Variants in CCDC61 observed in about 807,000 individuals in gnomAD.
CCDC61 encodes the protein centrosomal protein CCDC61.
Under a neutral mutation model 63.0 loss-of-function variants are expected in CCDC61, and 55 were observed. The ratio of observed to expected loss-of-function variants is 0.87; its 90% CI spans 0.70 to 1.09. The LOEUF (loss-of-function observed/expected upper bound fraction) is 1.09, where lower values mean the gene tolerates loss of function less well. Among genes scored for constraint, CCDC61 ranks in the 50% least tolerant of loss-of-function variants. The pLI, the probability that CCDC61 is intolerant of heterozygous loss-of-function variation, is 0.00. For synonymous variants in CCDC61, 270 were observed against 317.0 expected, an observed-to-expected ratio of 0.85 and a Z score of 1.58; for missense variants, 651 against 731.4, an observed-to-expected ratio of 0.89 and a Z score of 1.27.
chr19:46,016,078 G>A lies in CCDC61; in HGVS notation c.870G>A (p.Pro290=). The A allele has an allele frequency of 8.1e-7, 1 of 1,234,502 alleles. No individual in the cohort carries two copies. The highest frequency in any genetic ancestry group is 1.0e-6 in the Non-Finnish European group (1 of 990,216). The allele number at this position is 1,234,502 out of a possible 1,614,324, so 76.5% of individuals were successfully genotyped here. A position where few individuals can be genotyped will look rare whatever the true frequency, so the allele number is the denominator to read the frequency against. Residue 290 remains proline, a synonymous_variant, in exon 8 of 14, where the codon CCG becomes CCA. Transcript: ENST00000595358. This position sits in a 1 kb window ranked among gnomAD's most constrained non-coding sequence, Gnocchi z 7.2. The part of the protein sequence containing the change: ...KRGRRTPPVQ[P]PPTREDRASS... The stretch of plus-strand genomic sequence containing the variant: ...GGAGGCGGACTCCGCCGGTGCAGCC[G>A]CCCCCGACGCGGGAGGACCGGGCCT...
chr19:46,000,191 G>T, intron 1 of CCDC61: 1 of 223,930 alleles, frequency 4.5e-6, no homozygotes, highest in Non-Finnish European at 7.2e-6. Context: ...AAGAGAGGTG[G>T]AAAATATGTG....
chr19:46,003,165 CTG>C lies in CCDC61; in HGVS notation c.148+2_148+3del. 1 of 1,605,526 alleles carries C rather than the reference CTG, an allele frequency of 6.2e-7. No homozygotes were observed. Among genetic ancestry groups the C allele is most frequent in the East Asian group, 2.2e-5 (1 of 44,694 alleles). ...AGTGGCGGGGCGAGTTCGATGCTGG[CTG>C]TGAGTGTGCCTGCCTGGGGTGGGCT... On this transcript the variant is annotated splice_donor_variant and coding_sequence_variant, in exon 2 of 14. Transcript: ENST00000595358. LOFTEE classifies it high-confidence loss of function.
At chr19:46,008,029 C>A in intron 4 of CCDC61, 111 bp from the exon 5 acceptor site, 1 of 1,168,842 alleles carries the variant, frequency 8.6e-7, no homozygotes, top group Non-Finnish European at 1.2e-6. Context: ...TAGGACAGTG[C>A]AGTTTTTGGA....
chr19:45,999,303 G>T (rs934346928), intron 1 of CCDC61, among the ~76,000 whole-genome samples: 11 of 151,840 alleles, frequency 7.2e-5, no homozygotes, highest in Non-Finnish European at 1.5e-5. Context: ...GGAAGGCTTT[G>T]GTCTGTATTC....
intron 1 of CCDC61, among the ~76,000 whole-genome samples, chr19:45,999,411 G>A (rs1261309844): frequency 6.6e-6 from 1 of 152,086 alleles, no homozygotes; most frequent in African/African-American, 2.4e-5. Flanking sequence ...TCCAGGCCAG[G>A]CCACGCGTGT....
chr19:46,016,886 G>C lies in CCDC61; in HGVS notation c.1231+53G>C. 1 of 1,503,190 alleles carries C rather than the reference G, an allele frequency of 6.7e-7. No homozygotes were observed. The highest frequency in any genetic ancestry group is 8.9e-7 in the Non-Finnish European group (1 of 1,120,080). 93.1% of individuals were successfully genotyped at this position (1,503,190 alleles called of 1,614,324 possible). On this transcript the variant is annotated intron_variant, in intron 10 of 13. Coordinates refer to ENST00000595358, the MANE Select transcript of CCDC61 (RefSeq NM_001267723.2). This position sits in a 1 kb window ranked among gnomAD's most constrained non-coding sequence, Gnocchi z 7.2. ...GGGCTAGGCGGGACTGGGCGGGGCTGGGCGGGCTGGGAGGCACTGGGCAGG... is the reference window on the plus strand; with the variant it reads ...GGGCTAGGCGGGACTGGGCGGGGCTCGGCGGGCTGGGAGGCACTGGGCAGG...
At chr19:46,005,926 A>G (rs1053388879) in intron 3 of CCDC61, among the ~76,000 whole-genome samples, 1 of 151,880 alleles carries the variant, frequency 6.6e-6, no homozygotes, top group Admixed American at 6.6e-5. Context: ...TGTACTTCCC[A>G]TTTTCTTGCT....
chr19:46,014,090 T>G (rs1968879192), intron 5 of CCDC61, among the ~76,000 whole-genome samples: 1 of 152,088 alleles, frequency 6.6e-6, no homozygotes, highest in Non-Finnish European at 1.5e-5. Flanking sequence ...GTTCCAAAAC[T>G]GAAAAAGAGG....
At chr19:46,013,185 AT>A (rs566101168) in intron 5 of CCDC61, among the ~76,000 whole-genome samples, 3 of 150,072 alleles carry the variant, frequency 2.0e-5, no homozygotes, top group East Asian at 2.0e-4. Flanking sequence ...GACCTGGCTA[AT>A]TTTTTTTTTG....
intron 1 of CCDC61, among the ~76,000 whole-genome samples, chr19:46,001,756 G>A (rs1288682921): frequency 6.6e-6 from 1 of 152,240 alleles, no homozygotes; most frequent in African/African-American, 2.4e-5. Flanking sequence ...ATGGGCCTGG[G>A]GGGTGGTAAT....
chr19:46,014,981 C>T, intron 5 of CCDC61, 68 bp from the exon 6 acceptor site: 1 of 1,349,286 alleles, frequency 7.4e-7, no homozygotes, highest in Non-Finnish European at 9.9e-7. Flanking sequence ...TGAGGCGTCC[C>T]ACCCCCATGG....
At chr19:46,008,324 G>GC in intron 5 of CCDC61, 23 bp downstream of exon 5, 1 of 897,124 alleles carries the variant, frequency 1.1e-6, no homozygotes, top group South Asian at 1.3e-5. Flanking sequence ...GGGGTGGGCA[G>GC]CTGGGGCGGG....
chr19:46,018,442 G>T lies in CCDC61; in HGVS notation c.*55G>T, dbSNP rs1048220040. ...CCCACCCACTTGCTGGGTATGGTGT[G>T]GGGGGTGGGGCCAGGGTGGCCTCCA... On this transcript the variant is annotated 3_prime_UTR_variant, in exon 14 of 14. Coordinates refer to ENST00000595358, the MANE Select transcript of CCDC61 (RefSeq NM_001267723.2). The surrounding 1 kb of genome is among the most constrained non-coding windows in gnomAD (Gnocchi z 4.2). The T allele has an allele frequency of 2.8e-6, 4 of 1,448,358 alleles. No individual in the cohort carries two copies. The highest frequency in any genetic ancestry group is 2.8e-5 in the African/African-American group (2 of 71,030). 89.7% of individuals were successfully genotyped at this position (1,448,358 alleles called of 1,614,324 possible). A position where few individuals can be genotyped will look rare whatever the true frequency, so the allele number is the denominator to read the frequency against.
chr19:46,008,156 C>T lies in CCDC61; in HGVS notation c.406C>T (p.Pro136Ser). ...CCTCCTCAGGATTCACTACCCGCTG[C>T]CCCTCCCGTACCAGGGCAAGCCAGA... is the stretch of plus-strand genomic sequence containing the variant. The part of the protein sequence containing the change: ...VEFDRIHYPL[P>S]LPYQGKPDPV... The change falls in exon 5 of 14, where the codon CCC (proline) becomes TCC (serine). Residue 136 changes from proline (P) to serine (S), a missense_variant. Transcript: ENST00000595358. 6.2e-7 allele frequency: 1 copy of T among 1,610,660 alleles called. No homozygotes were observed. The highest frequency in any genetic ancestry group is 1.1e-5 in the South Asian group (1 of 90,418).
At chr19:45,999,357 C>T (rs1008135467) in intron 1 of CCDC61, among the ~76,000 whole-genome samples, 8 of 130,528 alleles carry the variant, frequency 6.1e-5, no homozygotes, top group East Asian at 4.4e-4. Flanking sequence ...AATTCACCCA[C>T]GTGGTGGGGA....
intron 5 of CCDC61, among the ~76,000 whole-genome samples, chr19:46,014,788 GGGGAGGA>G (rs1381168107): frequency 1.3e-5 from 2 of 152,172 alleles, no homozygotes; most frequent in African/African-American, 4.8e-5. Context: ...CCCGCACCAG[GGGGAGGA>G]GTGTGTGTGT....
chr19:46,009,305 A>T (rs980034186), intron 5 of CCDC61, among the ~76,000 whole-genome samples: 1 of 152,146 alleles, frequency 6.6e-6, no homozygotes, highest in Non-Finnish European at 1.5e-5. Flanking sequence ...GGGGAGACGA[A>T]TCTGGGGCTT....
chr19:46,014,295 C>T (rs12611367), intron 5 of CCDC61, among the ~76,000 whole-genome samples: 43,747 of 151,670 alleles, frequency 0.29, 6,547 homozygotes, highest in African/African-American at 0.35. Context: ...ATCCTTTTTT[C>T]CCCCATAGAT....
At chr19:46,007,986 G>A (rs1390567568) in intron 4 of CCDC61, among the ~76,000 whole-genome samples, 154 bp from the exon 5 acceptor site, 1 of 152,248 alleles carries the variant, frequency 6.6e-6, no homozygotes, top group Non-Finnish European at 1.5e-5. Context: ...TCCGGGTACA[G>A]GGAGGGGCCT....
Sources: gnomAD v4.1 joint callset for allele counts (sites outside exome capture counted in the v4.1 genomes callset) on GRCh38, gnomAD v4.1.1 for gene constraint, Gnocchi (gnomAD v3.1) non-coding constraint, MANE v1.5 for transcripts, NCBI Gene and HGNC (gene_info 2026-07-23, HGNC 2026-07-21) for gene names.